The following FAF1 variants were observed in gnomAD, a reference collection of about 807,000 sequenced individuals.
FAF1 encodes the protein FAS-associated factor 1.
A neutral mutation model predicts 92.5 loss-of-function variants in FAF1; 25 were observed. That is an observed-to-expected ratio of 0.27 (90% CI 0.20 to 0.38). The LOEUF (loss-of-function observed/expected upper bound fraction) is 0.38, where lower values mean the gene tolerates loss of function less well. Among genes scored for constraint, FAF1 ranks in the 10% least tolerant of loss-of-function variants. The probability of loss-of-function intolerance (pLI) is 1.00; values close to 1 mark genes in which losing one functional copy is unlikely to be tolerated. For missense variants in FAF1, 636 were observed against 793.3 expected, an observed-to-expected ratio of 0.80 and a Z score of 2.38; for synonymous variants, 234 against 273.2, an observed-to-expected ratio of 0.86 and a Z score of 1.42.
rs77056380 is a variant in FAF1, at chr1:50,549,189, C to T, written c.1269-9461G>A. 9.9e-5 allele frequency among the ~76,000 whole-genome samples: 15 copies of T among 152,248 alleles called. No individual in the cohort carries two copies. In the East Asian group the frequency reaches 2.3e-3, roughly 24 times the overall value. On this transcript the variant is annotated intron_variant, in intron 13 of 18. Coordinates refer to ENST00000396153, the MANE Select transcript of FAF1 (RefSeq NM_007051.3). ...ATGCACCAACATCATTGTAAGATAA[C>T]GTCCTACTCAGAGCAGAGATTTAAA... is the stretch of plus-strand genomic sequence containing the variant.
At chr1:50,628,741 A>G (rs1653623107) in intron 8 of FAF1, among the ~76,000 whole-genome samples, 1 of 152,224 alleles carries the variant, frequency 6.6e-6, no homozygotes, top group South Asian at 2.1e-4. Context: ...TTCATCTCAC[A>G]TTCCATAAAA....
chr1:50,541,992 A>G (rs2149041430), intron 13 of FAF1, among the ~76,000 whole-genome samples: 1 of 152,300 alleles, frequency 6.6e-6, no homozygotes, highest in Non-Finnish European at 1.5e-5. Flanking sequence ...CAGATCGCAA[A>G]GCACACAGCC....
intron 4 of FAF1, among the ~76,000 whole-genome samples, chr1:50,776,796 A>ATC (rs1660979951): frequency 6.6e-6 from 1 of 152,222 alleles, no homozygotes; most frequent in Non-Finnish European, 1.5e-5. Context: ...TAAAGGCTAA[A>ATC]TCATATCCCT....
intron 7 of FAF1, among the ~76,000 whole-genome samples, chr1:50,700,814 C>CA (rs1457718319): frequency 6.6e-6 from 1 of 151,728 alleles, no homozygotes. Flanking sequence ...TTATATGGGC[C>CA]AAAAAAGATA....
rs543770877 is a variant in FAF1, at chr1:50,745,767, A to T, written c.368-992T>A. ...TTATCCAGTCTCGGGTATTTTTTATAGCAGTGTGAAAACAAACTAACAGAG... is the reference window on the plus strand; with the variant it reads ...TTATCCAGTCTCGGGTATTTTTTATTGCAGTGTGAAAACAAACTAACAGAG... On this transcript the variant is annotated intron_variant, in intron 4 of 18. Transcript: ENST00000396153. Among the ~76,000 whole-genome samples, 68 of 152,202 alleles carry T rather than the reference A, an allele frequency of 4.5e-4. 1 individual carries two copies. The highest frequency in any genetic ancestry group is 7.5e-4 in the Non-Finnish European group (51 of 68,040).
Position 50,636,159 on chromosome 1 carries a change from G to T in FAF1, c.744+19283C>A, listed in dbSNP as rs572343634. Among the ~76,000 whole-genome samples the T allele has an allele frequency of 4.6e-5, 7 of 152,172 alleles. No homozygotes were observed. The South Asian group carries it at 1.2e-3, about 27-fold the overall frequency. On this transcript the variant is annotated intron_variant, in intron 8 of 18. Transcript: ENST00000396153. ...AAATCCACTAATTAAAAATAAAACTGATTGAGGTCTAGTTATCTACAGTAA... is the reference window on the plus strand; with the variant it reads ...AAATCCACTAATTAAAAATAAAACTTATTGAGGTCTAGTTATCTACAGTAA...
intron 13 of FAF1, among the ~76,000 whole-genome samples, chr1:50,559,963 C>T (rs1649793290): frequency 6.6e-6 from 1 of 152,206 alleles, no homozygotes; most frequent in Non-Finnish European, 1.5e-5. Context: ...GAAGGCTCTC[C>T]TGAAGTCTTA....
At chr1:50,621,553 CCA>C (rs1653210677) in intron 8 of FAF1, among the ~76,000 whole-genome samples, 1 of 151,696 alleles carries the variant, frequency 6.6e-6, no homozygotes, top group South Asian at 2.1e-4. Flanking sequence ...GGGCGCACCA[CCA>C]CACAGTTAAT....
chr1:50,605,151 G>A (rs1275289899), intron 8 of FAF1, among the ~76,000 whole-genome samples: 1 of 151,764 alleles, frequency 6.6e-6, no homozygotes, highest in African/African-American at 2.4e-5. Context: ...TAATCTTCTA[G>A]GGCATTTCAT....
intron 18 of FAF1, among the ~76,000 whole-genome samples, chr1:50,467,364 A>G (rs1425123179): frequency 1.3e-5 from 2 of 152,144 alleles, no homozygotes; most frequent in Admixed American, 6.6e-5. Context: ...ACCAGGCTGG[A>G]GTGCAGTGGC....
chr1:50,754,899 G>C (rs1660015417), intron 4 of FAF1, among the ~76,000 whole-genome samples: 1 of 152,042 alleles, frequency 6.6e-6, no homozygotes, highest in African/African-American at 2.4e-5. Flanking sequence ...CATCAGATCT[G>C]ATAAGACTTG....
chr1:50,931,895 AAT>A (rs1491295595), intron 1 of FAF1, among the ~76,000 whole-genome samples: 6 of 62,170 alleles, frequency 9.7e-5, no homozygotes, highest in Non-Finnish European at 1.8e-4. Flanking sequence ...AATAAATAAT[AAT>A]AATAATAATA....
chr1:50,762,841 G>A (rs1342426337), intron 4 of FAF1, among the ~76,000 whole-genome samples: 1 of 152,076 alleles, frequency 6.6e-6, no homozygotes, highest in East Asian at 1.9e-4. Context: ...TGACAAATGG[G>A]ATCTAATTAA....
chr1:50,547,107 G>C (rs1050180231), intron 13 of FAF1, among the ~76,000 whole-genome samples: 1 of 151,476 alleles, frequency 6.6e-6, no homozygotes, highest in African/African-American at 2.4e-5. Flanking sequence ...TGCTCAGGCT[G>C]GTCTTGAACT....
intron 18 of FAF1, among the ~76,000 whole-genome samples, chr1:50,455,306 T>C (rs187661269): frequency 8.8e-4 from 134 of 152,376 alleles, no homozygotes; most frequent in South Asian, 5.4e-3. Flanking sequence ...TCTGAATTAT[T>C]AAGCAACATT....
rs553403280 is a variant in FAF1, at chr1:50,925,190, T to A, written c.45+34577A>T. Among the ~76,000 whole-genome samples the A allele has an allele frequency of 1.9e-4, 29 of 152,234 alleles. No homozygotes were observed. In the South Asian group the frequency reaches 6.0e-3, roughly 32 times the overall value. ...GCAGAGGAATGAAACTAGACCCCTATCTATCACTACATACAAAAATTAACT... is the reference window on the plus strand; with the variant it reads ...GCAGAGGAATGAAACTAGACCCCTAACTATCACTACATACAAAAATTAACT... On this transcript the variant is annotated intron_variant, in intron 1 of 18. Coordinates refer to ENST00000396153, the MANE Select transcript of FAF1 (RefSeq NM_007051.3).
intron 1 of FAF1, among the ~76,000 whole-genome samples, chr1:50,904,234 G>A (rs114355074): frequency 0.051 from 7,738 of 152,270 alleles, 274 homozygotes; most frequent in Non-Finnish European, 0.074. Flanking sequence ...GATGCACCCT[G>A]AAGACATTAA....
chr1:50,869,621 T>C (rs1644510545), intron 1 of FAF1, among the ~76,000 whole-genome samples: 1 of 152,178 alleles, frequency 6.6e-6, no homozygotes, highest in Non-Finnish European at 1.5e-5. Flanking sequence ...CTCCATGTCA[T>C]CTTTTAAATT....
At chr1:50,853,260 A>C (rs1644365306) in intron 2 of FAF1, among the ~76,000 whole-genome samples, 1 of 152,186 alleles carries the variant, frequency 6.6e-6, no homozygotes, top group African/African-American at 2.4e-5. Context: ...TTCCTTCAAA[A>C]GTGAAAATTG....
Sources: allele counts gnomAD v4.1 joint callset (sites outside exome capture counted in the v4.1 genomes callset), GRCh38; gene constraint gnomAD v4.1.1; transcripts MANE v1.5; gene names NCBI Gene and HGNC (gene_info 2026-07-23, HGNC 2026-07-21).